TLN2: variants seen among roughly 807,000 people sequenced by gnomAD.
TLN2 encodes talin 2.
In TLN2, 118 loss-of-function variants were observed where a neutral mutation model predicts 294.7. The ratio of observed to expected loss-of-function variants is 0.40; its 90% CI spans 0.34 to 0.47. The LOEUF is 0.47. TLN2 is among the 20% of genes least tolerant of loss of function. The pLI is 0.84. For synonymous variants in TLN2, 1,431 were observed against 1,304.5 expected (o/e 1.10, Z -2.09); for missense variants, 3,083 against 3,282.2 (o/e 0.94, Z 1.48).
chr15:62,643,252 C>T (rs981888439), intron 3 of TLN2, among the ~76,000 whole-genome samples: 3 of 152,006 alleles, frequency 2.0e-5, no homozygotes, highest in Non-Finnish European at 4.4e-5. Context: ...CTTTTAGAGA[C>T]ATTCCTGGGA....
At chr15:62,634,412 G>GT (rs1199742209) in intron 3 of TLN2, among the ~76,000 whole-genome samples, 1 of 152,146 alleles carries the variant, frequency 6.6e-6, no homozygotes, top group Admixed American at 6.5e-5. Context: ...TTTTGGAATT[G>GT]TTTTTCAAGA....
intron 1 of TLN2, among the ~76,000 whole-genome samples, chr15:62,582,138 T>C (rs2045104920): frequency 6.7e-6 from 1 of 148,180 alleles, no homozygotes; most frequent in African/African-American, 2.5e-5. Context: ...TACCTTGAAG[T>C]CCCAGGGAGA....
chr15:62,472,052 T>G (rs995348055), intron 1 of TLN2, among the ~76,000 whole-genome samples: 2 of 152,194 alleles, frequency 1.3e-5, no homozygotes, highest in African/African-American at 2.4e-5. Context: ...CCCGTCAGAC[T>G]TAGATGCTCA....
At chr15:62,667,139 G>A (rs1367883709) in intron 9 of TLN2, among the ~76,000 whole-genome samples, 1 of 151,964 alleles carries the variant, frequency 6.6e-6, no homozygotes, top group African/African-American at 2.4e-5. Context: ...CTAATTTTTT[G>A]TATTTTTTAG....
At chr15:62,838,829 A>T in intron 57 of TLN2, 27 bp from the exon 58 acceptor site, 1 of 1,605,796 alleles carries the variant, frequency 6.2e-7, no homozygotes, top group Admixed American at 1.7e-5. Flanking sequence ...TTCTAATGAT[A>T]TAATGTATGT....
chr15:62,415,729 G>C (rs762902921), intron 1 of TLN2, among the ~76,000 whole-genome samples: 2 of 152,162 alleles, frequency 1.3e-5, no homozygotes, highest in African/African-American at 4.8e-5. Flanking sequence ...GCTCACGGTC[G>C]CTGGGTCTGC....
At chr15:62,670,100 G>A (rs191210517) in intron 9 of TLN2, among the ~76,000 whole-genome samples, 94 of 152,272 alleles carry the variant, frequency 6.2e-4, no homozygotes, top group African/African-American at 2.2e-3. Context: ...TGGTCCCCTG[G>A]ACACCACCAT....
rs775016434 is a variant in TLN2 at position 62,725,149 on chromosome 15, T to C, written c.3255+45T>C. ...TGGGGTGCGGGTGTACCTTTTGTTA[T>C]GACGTTATTAAATTGTTTGTTGTTA... On this transcript the variant is annotated intron_variant, in intron 27 of 58. Transcript: ENST00000636159. 5.8e-5 allele frequency: 91 copies of C among 1,568,732 alleles called. 1 individual carries two copies. In the South Asian group the frequency reaches 9.4e-4, roughly 16 times the overall value.
At chr15:62,496,400 GATA>G (rs368357360) in intron 1 of TLN2, among the ~76,000 whole-genome samples, 9 of 152,156 alleles carry the variant, frequency 5.9e-5, no homozygotes, top group African/African-American at 2.2e-4. Context: ...TTCCCTTTCA[GATA>G]AGGATTGGAA....
chr15:62,511,218 G>T (rs2039916915), intron 1 of TLN2, among the ~76,000 whole-genome samples: 1 of 152,174 alleles, frequency 6.6e-6, no homozygotes, highest in African/African-American at 2.4e-5. Flanking sequence ...TATGAACGTG[G>T]TAAAATATAC....
At chr15:62,609,027 G>T (rs780779296) in intron 2 of TLN2, among the ~76,000 whole-genome samples, 1 of 152,068 alleles carries the variant, frequency 6.6e-6, no homozygotes, top group Non-Finnish European at 1.5e-5. Context: ...CACTAGCCTG[G>T]AGAGTTTGTG....
intron 1 of TLN2, among the ~76,000 whole-genome samples, chr15:62,455,790 C>T (rs1400989938): frequency 6.6e-6 from 1 of 152,198 alleles, no homozygotes; most frequent in African/African-American, 2.4e-5. Flanking sequence ...TCCCCTTCTG[C>T]TATCTCTCTT....
intron 42 of TLN2, among the ~76,000 whole-genome samples, chr15:62,775,418 G>A (rs752640438): frequency 7.9e-5 from 12 of 152,122 alleles, no homozygotes; most frequent in Admixed American, 1.3e-4. Flanking sequence ...TGTCTGTGCC[G>A]TGAAATCAGC....
At chr15:62,560,127 G>A (rs1308243204) in intron 1 of TLN2, among the ~76,000 whole-genome samples, 1 of 152,130 alleles carries the variant, frequency 6.6e-6, no homozygotes, top group Admixed American at 6.5e-5. Flanking sequence ...AGGTCCCTGG[G>A]GACCAAAGGC....
intron 2 of TLN2, among the ~76,000 whole-genome samples, chr15:62,610,761 A>G (rs1195879632): frequency 1.3e-5 from 2 of 152,260 alleles, no homozygotes; most frequent in Admixed American, 1.3e-4. Flanking sequence ...CAAACGTGCC[A>G]GGAGTATTGA....
intron 52 of TLN2, among the ~76,000 whole-genome samples, chr15:62,813,106 C>A (rs1254788732): frequency 6.6e-6 from 1 of 152,214 alleles, no homozygotes; most frequent in East Asian, 1.9e-4. Flanking sequence ...ACTTTCTTTG[C>A]CAGGGCCTAG....
intron 48 of TLN2, among the ~76,000 whole-genome samples, chr15:62,797,757 T>C (rs2065608928): frequency 6.6e-6 from 1 of 152,030 alleles, no homozygotes; most frequent in Non-Finnish European, 1.5e-5. Context: ...GGAGAGCTGG[T>C]GTGGGCAGGG....
intron 1 of TLN2, among the ~76,000 whole-genome samples, chr15:62,395,882 C>T (rs1297830669): frequency 2.0e-5 from 3 of 152,076 alleles, no homozygotes; most frequent in Non-Finnish European, 4.4e-5. Context: ...GTCGCACAGA[C>T]TGGACTGCAG....
At chr15:62,614,296 T>G (rs2048140085) in intron 2 of TLN2, among the ~76,000 whole-genome samples, 1 of 152,204 alleles carries the variant, frequency 6.6e-6, no homozygotes, top group Non-Finnish European at 1.5e-5. Flanking sequence ...TATTAGGATT[T>G]TGGGAGAACG....
Sources: gnomAD v4.1 joint callset for allele counts (sites outside exome capture counted in the v4.1 genomes callset) on GRCh38, gnomAD v4.1.1 for gene constraint, MANE v1.5 for transcripts, NCBI Gene and HGNC (gene_info 2026-07-23, HGNC 2026-07-21) for gene names.